The following WDR93 variants were observed in gnomAD, a reference collection of about 807,000 sequenced individuals.
WDR93 encodes WD repeat domain 93.
WDR93 carries 73 observed loss-of-function variants against 82.9 expected under a neutral mutation model. That is an observed-to-expected ratio of 0.88 (90% CI 0.73 to 1.07). The LOEUF is 1.07. Among genes scored for constraint, WDR93 ranks in the 50% least tolerant of loss-of-function variants. The pLI, the probability that WDR93 is intolerant of heterozygous loss-of-function variation, is 0.00. For missense variants in WDR93, 738 were observed against 826.0 expected (o/e 0.89, Z 1.31); for synonymous variants, 283 against 300.1 (o/e 0.94, Z 0.59).
chr15:89,729,115 G>T, intron 10 of WDR93, 22 bp downstream of exon 10: 1 of 1,610,542 alleles, frequency 6.2e-7, no homozygotes. Flanking sequence ...TGAAGTGGGT[G>T]GTTGTCCTAG....
At chr15:89,742,514 A>T (rs538810380) in intron 16 of WDR93, among the ~76,000 whole-genome samples, 1 of 150,608 alleles carries the variant, frequency 6.6e-6, no homozygotes, top group Non-Finnish European at 1.5e-5. Context: ...TGCACTTATT[A>T]TTTTTTTTTA....
intron 4 of WDR93, among the ~76,000 whole-genome samples, chr15:89,711,822 A>C (rs551161323): frequency 6.6e-6 from 1 of 152,254 alleles, no homozygotes; most frequent in Non-Finnish European, 1.5e-5. Flanking sequence ...AAAACCTTAC[A>C]TAGAAAAGCG....
chr15:89,736,834 C>T (rs1967221216), intron 14 of WDR93, among the ~76,000 whole-genome samples: 1 of 151,112 alleles, frequency 6.6e-6, no homozygotes, highest in Non-Finnish European at 1.5e-5. Context: ...CTCTGCCGCC[C>T]AGGCTGGAGT....
chr15:89,712,814 A>T (rs1275099617), intron 5 of WDR93, among the ~76,000 whole-genome samples: 3 of 152,108 alleles, frequency 2.0e-5, no homozygotes, highest in Non-Finnish European at 4.4e-5. Flanking sequence ...GACCACACTC[A>T]AGGGAAAATG....
At chr15:89,732,615 CCACACACACA>C (rs58806438) in intron 12 of WDR93, among the ~76,000 whole-genome samples, 14 of 148,560 alleles carry the variant, frequency 9.4e-5, no homozygotes, top group Non-Finnish European at 1.9e-4. Flanking sequence ...TGTTGTTTGG[CCACACACACA>C]CACACACACA....
chr15:89,694,630 C>G (rs928885950), intron 1 of WDR93, among the ~76,000 whole-genome samples: 1 of 152,190 alleles, frequency 6.6e-6, no homozygotes, highest in African/African-American at 2.4e-5. Flanking sequence ...TATTTTCTCC[C>G]CATCTGAGGA....
intron 1 of WDR93, among the ~76,000 whole-genome samples, chr15:89,692,666 A>G (rs369200499): frequency 2.6e-5 from 4 of 152,242 alleles, no homozygotes; most frequent in South Asian, 2.1e-4. Flanking sequence ...CTGGAGTGCA[A>G]TGGCGCAATG....
chr15:89,737,793 A>T, intron 15 of WDR93, 64 bp downstream of exon 15: 10 of 1,595,814 alleles, frequency 6.3e-6, no homozygotes, highest in Non-Finnish European at 7.7e-6. Flanking sequence ...TCTCACAAAC[A>T]GAGAGAGCCC....
At chr15:89,703,479 A>C in intron 3 of WDR93, 1 of 328,358 alleles carries the variant, frequency 3.0e-6, no homozygotes, top group African/African-American at 2.1e-5. Flanking sequence ...TGGAGTCCAC[A>C]CCCTTCCAGC....
chr15:89,727,404 C>T (rs1296767502), intron 9 of WDR93, 76 bp downstream of exon 9: 2 of 1,497,606 alleles, frequency 1.3e-6, no homozygotes, highest in Non-Finnish European at 9.1e-7. Flanking sequence ...GGAATCAACC[C>T]AGGGACCTGA....
At chr15:89,736,995 G>A (rs1967244523) in intron 14 of WDR93, among the ~76,000 whole-genome samples, 1 of 152,152 alleles carries the variant, frequency 6.6e-6, no homozygotes, top group South Asian at 2.1e-4. Context: ...GTTTCACCGT[G>A]TTAGCCAGGA....
intron 7 of WDR93, among the ~76,000 whole-genome samples, chr15:89,719,953 C>T (rs1189305266): frequency 6.6e-6 from 1 of 151,944 alleles, no homozygotes; most frequent in African/African-American, 2.4e-5. Context: ...GTGCCTGCCA[C>T]CACGCCTGGC....
intron 7 of WDR93, among the ~76,000 whole-genome samples, chr15:89,718,762 GTTTT>G (rs147709724): frequency 0.015 from 2,255 of 152,240 alleles, 61 homozygotes; most frequent in African/African-American, 0.052. Flanking sequence ...AGCTTGACAT[GTTTT>G]TTTGTTTGTT....
Position 89,705,626 on chromosome 15 carries a change from C to A in WDR93, c.561+8C>A. Reference sequence around the variant, plus strand: ...AAAGCCATCAATGAAGTGGTGAGTTCCTATTCTTTCACCATTAGCTGGGCC... The same window carrying A: ...AAAGCCATCAATGAAGTGGTGAGTTACTATTCTTTCACCATTAGCTGGGCC... On this transcript the variant is annotated splice_region_variant and intron_variant, in intron 4 of 16. Coordinates refer to ENST00000268130, the MANE Select transcript of WDR93 (RefSeq NM_020212.2). 1 of 1,537,622 alleles carries A rather than the reference C, an allele frequency of 6.5e-7. No homozygotes were observed. The highest frequency in any genetic ancestry group is 9.0e-7 in the Non-Finnish European group (1 of 1,110,994).
At chr15:89,717,041 C>CTTTTTTTTTTTTTTTT (rs1966287613) in intron 7 of WDR93, 92 bp downstream of exon 7, 1 of 334,808 alleles carries the variant, frequency 3.0e-6, no homozygotes, top group African/African-American at 3.6e-5. Flanking sequence ...TTTTCTTTTT[C>CTTTTTTTTTTTTTTTT]TTTCTTTTTT....
At chr15:89,715,182 T>C in intron 6 of WDR93, 87 bp downstream of exon 6, 1 of 1,126,354 alleles carries the variant, frequency 8.9e-7, no homozygotes, top group Non-Finnish European at 1.3e-6. Flanking sequence ...TTATGGTGAA[T>C]GAGGCCTCTG....
In WDR93 at chr15:89,725,799, C is replaced by T. The variant is rs529537101; in HGVS notation, c.881-1358C>T. Among the ~76,000 whole-genome samples the T allele has an allele frequency of 3.2e-4, 49 of 152,132 alleles. No homozygotes were observed. In the South Asian group the frequency reaches 6.4e-3, roughly 20 times the overall value. On this transcript the variant is annotated intron_variant, in intron 8 of 16. Coordinates refer to ENST00000268130, the MANE Select transcript of WDR93 (RefSeq NM_020212.2). ...CTGGTCTCAAACTCCGGGGCTCAAG[C>T]GATCCTCCTGCCTTGGCCTTCCAAA... is the stretch of plus-strand genomic sequence containing the variant.
chr15:89,724,529 T>G (rs11633523), intron 8 of WDR93, among the ~76,000 whole-genome samples: 65,027 of 151,910 alleles, frequency 0.43, 14,458 homozygotes, highest in African/African-American at 0.49. Flanking sequence ...TCAGGCCACA[T>G]AGAGGTAGAA....
In WDR93 at chr15:89,714,997, C is replaced by A. The variant is rs756537285; in HGVS notation, c.658C>A (p.Leu220Met). The change falls in exon 6 of 17, where the codon CTG becomes ATG. Residue 220 changes from leucine to methionine, a missense_variant. Coordinates refer to ENST00000268130, the MANE Select transcript of WDR93 (RefSeq NM_020212.2). ...FLLQGAGDIW[L>M]DVYKLPKETW... ...CAATGCAGGAGCCGGAGATATTTGG[C>A]TGGATGTGTATAAATTGCCCAAGGA... 14 of 1,613,684 alleles carry A rather than the reference C, an allele frequency of 8.7e-6. No individual in the cohort carries two copies. The highest frequency in any genetic ancestry group is 1.7e-5 in the Admixed American group (1 of 59,952).
Sources: gnomAD v4.1 joint callset for allele counts (sites outside exome capture counted in the v4.1 genomes callset) on GRCh38, gnomAD v4.1.1 for gene constraint, MANE v1.5 for transcripts, NCBI Gene and HGNC (gene_info 2026-07-23, HGNC 2026-07-21) for gene names.